ELF2: variants seen among roughly 807,000 people sequenced by gnomAD.
ELF2 encodes ETS-related transcription factor Elf-2.
Under a neutral mutation model 54.8 loss-of-function variants are expected in ELF2, and 11 were observed. That is an observed-to-expected ratio of 0.20 (90% CI 0.13 to 0.33). The LOEUF is 0.33. Ranked by LOEUF, ELF2 falls within the 10% of genes least tolerant of loss-of-function variation. The pLI, the probability that ELF2 is intolerant of heterozygous loss-of-function variation, is 1.00. For synonymous variants in ELF2, 203 were observed against 245.1 expected, an observed-to-expected ratio of 0.83 and a Z score of 1.61; for missense variants, 513 against 703.0, an observed-to-expected ratio of 0.73 and a Z score of 3.06.
chr4:139,074,112 A>C (rs1013687673), intron 4 of ELF2, among the ~76,000 whole-genome samples: 1 of 151,258 alleles, frequency 6.6e-6, no homozygotes, highest in African/African-American at 2.5e-5. Context: ...TGGGCGACAG[A>C]GTGAGACTCT....
At chr4:139,153,124 T>C (rs968351287) in intron 1 of ELF2, among the ~76,000 whole-genome samples, 1 of 152,032 alleles carries the variant, frequency 6.6e-6, no homozygotes, top group South Asian at 2.1e-4. Flanking sequence ...CTCTATATAC[T>C]ATGAAAGGAT....
chr4:139,073,624 A>T, intron 4 of ELF2, 57 bp from the exon 5 acceptor site: 1 of 955,750 alleles, frequency 1.0e-6, no homozygotes, highest in Non-Finnish European at 1.5e-6. Context: ...TGACTAAAAC[A>T]TATTACTAAG....
intron 8 of ELF2, among the ~76,000 whole-genome samples, chr4:139,061,420 C>T (rs1392319296): frequency 6.6e-6 from 1 of 152,086 alleles, no homozygotes; most frequent in Non-Finnish European, 1.5e-5. Context: ...AGTGATCCAC[C>T]CAACTCAGCC....
intron 7 of ELF2, 27 bp downstream of exon 7, chr4:139,067,657 C>T (rs755212001): frequency 1.2e-6 from 2 of 1,609,556 alleles, no homozygotes; most frequent in African/African-American, 1.3e-5. Context: ...AATCATCTCA[C>T]TTCCAAAGCA....
At chr4:139,134,840 T>G (rs1737966899) in intron 3 of ELF2, among the ~76,000 whole-genome samples, 1 of 151,550 alleles carries the variant, frequency 6.6e-6, no homozygotes, top group Non-Finnish European at 1.5e-5. Context: ...GCCACCACAC[T>G]AGGCCCAATA....
intron 1 of ELF2, among the ~76,000 whole-genome samples, chr4:139,170,966 G>A (rs1045752175): frequency 8.6e-5 from 13 of 151,772 alleles, no homozygotes; most frequent in Non-Finnish European, 1.3e-4. Context: ...GGCTGGTCTC[G>A]AACTCCTGAC....
intron 4 of ELF2, among the ~76,000 whole-genome samples, chr4:139,089,297 AT>A (rs1251240453): frequency 4.6e-5 from 7 of 152,186 alleles, no homozygotes; most frequent in Non-Finnish European, 8.8e-5. Context: ...CATCTCACAC[AT>A]TTTTAGGGGG....
rs555623637 is a variant in ELF2 at position 139,140,708 on chromosome 4, C to T, written c.-251-1211G>A. On this transcript the variant is annotated intron_variant, in intron 1 of 9. Coordinates refer to ENST00000686138, the MANE Select transcript of ELF2 (RefSeq NM_001331036.3). ...GGTTGAGGCCACAGTGAGCTGTGAT[C>T]CTGCCACTGCACTCAAGCCTGGGTG... is the stretch of plus-strand genomic sequence containing the variant. 1.6e-4 allele frequency among the ~76,000 whole-genome samples: 24 copies of T among 151,938 alleles called. No homozygotes were observed. In the East Asian group the frequency reaches 2.7e-3, roughly 17 times the overall value.
intron 4 of ELF2, among the ~76,000 whole-genome samples, chr4:139,114,559 T>TCACA (rs1410927721): frequency 3.6e-5 from 1 of 27,570 alleles, no homozygotes; most frequent in African/African-American, 1.1e-4. Flanking sequence ...GAGACTTCAG[T>TCACA]CTCACACACA....
At chr4:139,097,674 C>T (rs1215268999) in intron 4 of ELF2, among the ~76,000 whole-genome samples, 1 of 150,762 alleles carries the variant, frequency 6.6e-6, no homozygotes, top group Admixed American at 6.6e-5. Flanking sequence ...TGTTATTTAG[C>T]TATAAGTATT....
At chr4:139,082,628 T>C (rs1166822578) in intron 4 of ELF2, among the ~76,000 whole-genome samples, 1 of 152,168 alleles carries the variant, frequency 6.6e-6, no homozygotes, top group Non-Finnish European at 1.5e-5. Flanking sequence ...ATTTCCCCCA[T>C]CGAACTGAGT....
chr4:139,081,434 A>G (rs1401206508), intron 4 of ELF2, among the ~76,000 whole-genome samples: 2 of 152,172 alleles, frequency 1.3e-5, no homozygotes, highest in Non-Finnish European at 2.9e-5. Context: ...TGTTATGCTG[A>G]AAATATTAAC....
In ELF2 at chr4:139,137,616, A is replaced by AT. The variant is rs1560855132; in HGVS notation, c.72+13dup. The AT allele has an allele frequency of 6.2e-7, 1 of 1,611,318 alleles. No individual in the cohort carries two copies. Among genetic ancestry groups the AT allele is most frequent in the Non-Finnish European group, 8.5e-7 (1 of 1,178,206 alleles). ...TATGAAGAAAATAGAAATGTAATTC[A>AT]TTGAATGCCTAACCTCTTGATTTTC... On this transcript the variant is annotated intron_variant, in intron 3 of 9. Transcript: ENST00000686138.
intron 7 of ELF2, 111 bp downstream of exon 7, chr4:139,067,573 G>A (rs563850875): frequency 5.5e-6 from 6 of 1,081,928 alleles, no homozygotes; most frequent in Admixed American, 2.1e-5. Context: ...TATTACCAGC[G>A]ACAGTATTCT....
chr4:139,171,399 T>C (rs910898770), intron 1 of ELF2, among the ~76,000 whole-genome samples: 2 of 151,818 alleles, frequency 1.3e-5, no homozygotes, highest in African/African-American at 2.4e-5. Context: ...AAGTGTTCCA[T>C]TTTTGGAATG....
intron 4 of ELF2, among the ~76,000 whole-genome samples, chr4:139,089,536 A>G (rs1578761632): frequency 6.6e-6 from 1 of 152,196 alleles, no homozygotes; most frequent in African/African-American, 2.4e-5. Context: ...GTATATATTT[A>G]CATACGTATG....
At chr4:139,138,007 G>A in intron 2 of ELF2, 140 bp from the exon 3 acceptor site, 1 of 542,364 alleles carries the variant, frequency 1.8e-6, no homozygotes, top group Non-Finnish European at 2.9e-6. Context: ...TCAAAAGAGG[G>A]CAGTAATGAA....
chr4:139,146,768 G>A (rs969482087), intron 1 of ELF2, among the ~76,000 whole-genome samples: 1 of 152,016 alleles, frequency 6.6e-6, no homozygotes, highest in African/African-American at 2.4e-5. Flanking sequence ...ACATAAATTG[G>A]GGAAAGGACA....
At chr4:139,080,763 C>G (rs1267666358) in intron 4 of ELF2, among the ~76,000 whole-genome samples, 1 of 151,894 alleles carries the variant, frequency 6.6e-6, no homozygotes, top group Non-Finnish European at 1.5e-5. Context: ...CTATATTAAG[C>G]TATATACACT....
Sources: allele counts gnomAD v4.1 joint callset (sites outside exome capture counted in the v4.1 genomes callset), GRCh38; gene constraint gnomAD v4.1.1; transcripts MANE v1.5; gene names NCBI Gene and HGNC (gene_info 2026-07-23, HGNC 2026-07-21).